PJA2: variants seen among roughly 807,000 people sequenced by gnomAD.
The protein encoded by PJA2 is praja ring finger ubiquitin ligase 2.
PJA2 carries 25 observed loss-of-function variants against 69.3 expected under a neutral mutation model. The observed-to-expected ratio is 0.36, with a 90% confidence interval of 0.26 to 0.50. PJA2 has a LOEUF of 0.50. PJA2 is among the 20% of genes least tolerant of loss of function. PJA2 has a pLI of 0.96. For missense variants in PJA2, 809 were observed against 830.2 expected (o/e 0.97, Z 0.31); for synonymous variants, 308 against 277.8 (o/e 1.11, Z -1.08).
At position 109,351,304 on chromosome 5, in the gene PJA2, C is replaced by A. The variant is rs373479921; in HGVS notation, c.1764+4611G>T. On this transcript the variant is annotated intron_variant, in intron 7 of 9. Transcript: ENST00000361189. ...GATGAAAATCAGAAGTAAATTTATG[C>A]TGAAATATGTCTCATTCCGGTAATA... is the stretch of plus-strand genomic sequence containing the variant. Among the ~76,000 whole-genome samples the A allele has an allele frequency of 3.3e-4, 50 of 152,126 alleles. No individual in the cohort carries two copies. In the South Asian group the frequency reaches 0.01, roughly 32 times the overall value.
chr5:109,390,509 C>G (rs997209293), intron 1 of PJA2: 9 of 151,884 alleles, frequency 5.9e-5, no homozygotes, highest in Non-Finnish European at 1.3e-4. Context: ...GTAGGTCTTA[C>G]TCACTTATAT....
Position 109,409,817 on chromosome 5 carries a change from G to GA in PJA2, c.-88+24dup, listed in dbSNP as rs57525773. On this transcript the variant is annotated intron_variant, in intron 1 of 9. Transcript: ENST00000361189. ...TCCCGACAGCGGAACAAGCCAGACT[G>GA]AAAAAAAAAAAAAAAAACCCTCACC... 8.3e-3 allele frequency: 937 copies of GA among 112,444 alleles called. 1 individual carries two copies. Among genetic ancestry groups the GA allele is most frequent in the South Asian group, 0.034 (131 of 3,812 alleles). 7.0% of individuals were successfully genotyped at this position (112,444 alleles called of 1,614,324 possible).
chr5:109,351,322 C>T (rs956855532), intron 7 of PJA2, among the ~76,000 whole-genome samples: 1 of 151,942 alleles, frequency 6.6e-6, no homozygotes, highest in East Asian at 1.9e-4. Context: ...TGTCTCATTC[C>T]GGTAATAAAT....
At chr5:109,370,393 C>G (rs1561353374) in intron 4 of PJA2, among the ~76,000 whole-genome samples, 2 of 152,118 alleles carry the variant, frequency 1.3e-5, no homozygotes, top group African/African-American at 4.8e-5. Context: ...CAGATGCACT[C>G]AAAAGATCAA....
At chr5:109,395,151 T>G (rs1747377958) in intron 1 of PJA2, among the ~76,000 whole-genome samples, 1 of 152,162 alleles carries the variant, frequency 6.6e-6, no homozygotes, top group Non-Finnish European at 1.5e-5. Flanking sequence ...ATGTAAAATT[T>G]CAAAGAATAT....
At chr5:109,406,582 A>C (rs1393250658) in intron 1 of PJA2, among the ~76,000 whole-genome samples, 1 of 152,214 alleles carries the variant, frequency 6.6e-6, no homozygotes, top group Non-Finnish European at 1.5e-5. Context: ...TGGATATGTA[A>C]AATGTGACAA....
At chr5:109,354,015 GATATCT>G (rs1292927645) in intron 7 of PJA2, among the ~76,000 whole-genome samples, 1 of 143,598 alleles carries the variant, frequency 7.0e-6, no homozygotes, top group Non-Finnish European at 1.5e-5. Flanking sequence ...CTATAGATTA[GATATCT>G]ATGATATCTA....
chr5:109,381,361 A>C (rs766230952), intron 3 of PJA2, 142 bp downstream of exon 3: 62 of 625,060 alleles, frequency 9.9e-5, no homozygotes, highest in Non-Finnish European at 1.6e-4. Flanking sequence ...AAATTCAATA[A>C]GAATTTCAAA....
At chr5:109,340,136 TTTTA>T (rs1247391348) in intron 9 of PJA2, among the ~76,000 whole-genome samples, 1 of 152,244 alleles carries the variant, frequency 6.6e-6, no homozygotes, top group Non-Finnish European at 1.5e-5. Context: ...CACCATAAGT[TTTTA>T]TTTGTGATTT....
intron 7 of PJA2, 98 bp downstream of exon 7, chr5:109,355,817 G>T: frequency 1.3e-6 from 1 of 777,514 alleles, no homozygotes; most frequent in Non-Finnish European, 2.1e-6. Context: ...ATGGGAAAAA[G>T]ATTCACCTTT....
At chr5:109,400,266 G>C (rs1747509115) in intron 1 of PJA2, among the ~76,000 whole-genome samples, 1 of 151,568 alleles carries the variant, frequency 6.6e-6, no homozygotes, top group Non-Finnish European at 1.5e-5. Flanking sequence ...ACTCCAGTCT[G>C]GGTGATGGAC....
intron 9 of PJA2, among the ~76,000 whole-genome samples, chr5:109,340,808 A>G (rs62375614): frequency 0.71 from 61,971 of 87,056 alleles, 24,165 homozygotes; most frequent in African/African-American, 0.92. Flanking sequence ...GCGCCGCCAC[A>G]CCTGACTGGT....
chr5:109,353,448 CTATATATTAGATACCTAT>C (rs1762312802), intron 7 of PJA2, among the ~76,000 whole-genome samples: 1 of 119,186 alleles, frequency 8.4e-6, no homozygotes. Flanking sequence ...ATATAGATAT[CTATATATTAGATACCTAT>C]ATCTATAGAT....
At chr5:109,352,664 C>A (rs1762274329) in intron 7 of PJA2, among the ~76,000 whole-genome samples, 1 of 151,962 alleles carries the variant, frequency 6.6e-6, no homozygotes, top group Non-Finnish European at 1.5e-5. Flanking sequence ...TGAAAGCAAT[C>A]TCCATGGACA....
chr5:109,356,530 C>T (rs566021570), intron 6 of PJA2, among the ~76,000 whole-genome samples: 5 of 152,260 alleles, frequency 3.3e-5, no homozygotes, highest in African/African-American at 9.6e-5. Flanking sequence ...ATCCCAAACA[C>T]TTCTGGTACC....
intron 9 of PJA2, among the ~76,000 whole-genome samples, chr5:109,343,932 C>T (rs1762129392): frequency 6.6e-6 from 1 of 151,514 alleles, no homozygotes; most frequent in African/African-American, 2.4e-5. Context: ...TCTGTCTCTA[C>T]TAAAAATACA....
chr5:109,394,515 G>A (rs983800759), intron 1 of PJA2, among the ~76,000 whole-genome samples: 2 of 152,174 alleles, frequency 1.3e-5, no homozygotes, highest in African/African-American at 2.4e-5. Flanking sequence ...GTCTGTGAGT[G>A]ATTTTTATGC....
At chr5:109,374,152 T>C (rs1290381856) in intron 4 of PJA2, among the ~76,000 whole-genome samples, 2 of 152,242 alleles carry the variant, frequency 1.3e-5, no homozygotes, top group Non-Finnish European at 2.9e-5. Context: ...TTCATTAAGA[T>C]GGCTATGATT....
At chr5:109,361,000 C>G (rs1021231950) in intron 6 of PJA2, among the ~76,000 whole-genome samples, 35 of 152,106 alleles carry the variant, frequency 2.3e-4, no homozygotes, top group South Asian at 1.0e-3. Flanking sequence ...TGGTGGCAGG[C>G]GCCTGTAATC....
Sources: allele counts gnomAD v4.1 joint callset (sites outside exome capture counted in the v4.1 genomes callset), GRCh38; gene constraint gnomAD v4.1.1; transcripts MANE v1.5; gene names NCBI Gene and HGNC (gene_info 2026-07-23, HGNC 2026-07-21).